The following TERT variants were observed in gnomAD, a reference collection of about 807,000 sequenced individuals.
TERT encodes the protein telomerase reverse transcriptase.
In TERT, 42 loss-of-function variants were observed where a neutral mutation model predicts 104.0. The observed-to-expected ratio is 0.40, with a 90% CI of 0.32 to 0.52. The LOEUF (loss-of-function observed/expected upper bound fraction) is 0.52. Ranked by LOEUF, TERT falls within the 20% of genes least tolerant of loss-of-function variation. TERT has a pLI of 0.43. For missense variants in TERT, 1,101 were observed against 1,610.3 expected, an observed-to-expected ratio of 0.68 and a Z score of 5.41; for synonymous variants, 781 against 725.6, an observed-to-expected ratio of 1.08 and a Z score of -1.23.
chr5:1,257,432 A>T lies in TERT; in HGVS notation c.3032+1166T>A, dbSNP rs1747827180. On this transcript the variant is annotated intron_variant, in intron 13 of 15. Coordinates refer to ENST00000310581, the MANE Select transcript of TERT (RefSeq NM_198253.3). This position sits in a 1 kb window ranked among gnomAD's most constrained non-coding sequence, Gnocchi z 5.6. ...GTCCTCAGTGGCACCTGTATCCAGC[A>T]CACCCCAAGGGTTTCCGGAAAGGAG... Among the ~76,000 whole-genome samples, 1 of 152,128 alleles carries T rather than the reference A, an allele frequency of 6.6e-6. No individual in the cohort carries two copies. Among genetic ancestry groups the T allele is most frequent in the East Asian group, 1.9e-4 (1 of 5,176 alleles).
At position 1,280,459 on chromosome 5, in the gene TERT, G is replaced by A. The variant is rs529384234; in HGVS notation, c.1770-121C>T. The A allele has an allele frequency of 1.5e-5, 17 of 1,126,512 alleles. No individual in the cohort carries two copies. In the East Asian group the frequency reaches 1.5e-4, roughly 10 times the overall value. The allele number at this position is 1,126,512 out of a possible 1,614,324, so 69.8% of individuals were successfully genotyped here. On this transcript the variant is annotated intron_variant, in intron 3 of 15. Transcript: ENST00000310581. Reference sequence around the variant, plus strand: ...GCTCAGGGCACCCACGGCAGCACACGCTGAAGGCCATGCCCGGGGCCACGT... The same window carrying A: ...GCTCAGGGCACCCACGGCAGCACACACTGAAGGCCATGCCCGGGGCCACGT...
intron 2 of TERT, among the ~76,000 whole-genome samples, chr5:1,291,707 C>G (rs1488650863): frequency 2.7e-5 from 4 of 149,778 alleles, no homozygotes; most frequent in Non-Finnish European, 6.0e-5. Flanking sequence ...TCACCCTACA[C>G]GTGACAGGGA....
rs768398792 is a variant in TERT, at chr5:1,294,622, C to G, written c.264G>C (p.Leu88=). 2 of 1,596,154 alleles carry G rather than the reference C, an allele frequency of 1.3e-6. No individual in the cohort carries two copies. Among genetic ancestry groups the G allele is most frequent in the Admixed American group, 3.3e-5 (2 of 59,832 alleles). ...KELVARVLQR[L]CERGAKNVLA... is the part of the protein sequence containing the mutation. ...GCACGTTCTTCGCGCCGCGCTCGCACAGCCTCTGCAGCACTCGGGCCACCA... is the reference window on the plus strand; with the variant it reads ...GCACGTTCTTCGCGCCGCGCTCGCAGAGCCTCTGCAGCACTCGGGCCACCA... The change falls in exon 2 of 16, where the codon CTG becomes CTC. Residue 88 remains leucine (L), a synonymous_variant. Transcript: ENST00000310581.
At chr5:1,289,787 C>T (rs1750757203) in intron 2 of TERT, among the ~76,000 whole-genome samples, 1 of 106,758 alleles carries the variant, frequency 9.4e-6, no homozygotes, top group African/African-American at 4.5e-5. Flanking sequence ...GTGACAGGGA[C>T]ACCCGGGGAC....
At chr5:1,266,246 A>C (rs35596904) in intron 10 of TERT, among the ~76,000 whole-genome samples, 3 of 152,196 alleles carry the variant, frequency 2.0e-5, no homozygotes, top group Non-Finnish European at 2.9e-5. Context: ...TCTCTGCAGG[A>C]CCAGGGCCTG....
Position 1,262,127 on chromosome 5 carries a change from CCCTTT to C in TERT, c.2844-1532_2844-1528del, listed in dbSNP as rs768615354. Among the ~76,000 whole-genome samples the C allele has an allele frequency of 6.6e-6, 1 of 152,186 alleles. No individual in the cohort carries two copies. The highest frequency in any genetic ancestry group is 2.4e-5 in the African/African-American group (1 of 41,436). On this transcript the variant is annotated intron_variant, in intron 11 of 15. Coordinates refer to ENST00000310581, the MANE Select transcript of TERT (RefSeq NM_198253.3). This position sits in a 1 kb window ranked among gnomAD's most constrained non-coding sequence, Gnocchi z 5.6. Reference sequence around the variant, plus strand: ...AAACCAGGGAACGTTCACCTCCCTTCCCTTTGAGTCTTTTGTTTTATTTCTGTTGC... The same window carrying C: ...AAACCAGGGAACGTTCACCTCCCTTCGAGTCTTTTGTTTTATTTCTGTTGC...
In TERT at chr5:1,269,237, GTTGCTAAGAGACGCTTGCAGCCTACTGCA is replaced by G. The variant is rs1748848431; in HGVS notation, c.2469-633_2469-605del. 6.6e-6 allele frequency among the ~76,000 whole-genome samples: 1 copy of G among 152,188 alleles called. No individual in the cohort carries two copies. Among genetic ancestry groups the G allele is most frequent in the Non-Finnish European group, 1.5e-5 (1 of 68,042 alleles). On this transcript the variant is annotated intron_variant, in intron 8 of 15. Transcript: ENST00000310581. This position sits in a 1 kb window ranked among gnomAD's most constrained non-coding sequence, Gnocchi z 9.0. ...CCAGAGCCCACAGGACGCCACTCCT[GTTGCTAAGAGACGCTTGCAGCCTACTGCA>G]AAAACAAGACCTGTTATTTTCGGGA...
At chr5:1,271,678 A>G (rs34980560) in intron 7 of TERT, among the ~76,000 whole-genome samples, 174 of 152,272 alleles carry the variant, frequency 1.1e-3, no homozygotes, top group South Asian at 3.3e-3. Flanking sequence ...ACGTGGACAG[A>G]CCACATCTGC....
chr5:1,254,257 G>A (rs940930985), intron 15 of TERT, 111 bp downstream of exon 15: 102 of 1,470,608 alleles, frequency 6.9e-5, no homozygotes, highest in Middle Eastern at 1.8e-4. Flanking sequence ...CCAGGGTCAG[G>A]CCCGGGGGCG....
intron 5 of TERT, among the ~76,000 whole-genome samples, chr5:1,279,034 T>C (rs1749815777): frequency 6.6e-6 from 1 of 152,208 alleles, no homozygotes; most frequent in Non-Finnish European, 1.5e-5. Context: ...GTTCCTTCTC[T>C]GACGGAAACT....
At chr5:1,277,868 C>T (rs1485033331) in intron 6 of TERT, among the ~76,000 whole-genome samples, 5 of 152,218 alleles carry the variant, frequency 3.3e-5, no homozygotes, top group Admixed American at 6.5e-5. Flanking sequence ...CTCTGCACCC[C>T]GGCCTGGCAC....
At position 1,255,476 on chromosome 5, in the gene TERT, G is replaced by T; in HGVS notation, c.3033-65C>A. The T allele has an allele frequency of 6.2e-7, 1 of 1,609,064 alleles. No individual in the cohort carries two copies. On this transcript the variant is annotated intron_variant, in intron 13 of 15. Coordinates refer to ENST00000310581, the MANE Select transcript of TERT (RefSeq NM_198253.3). The surrounding 1 kb of genome is among the most constrained non-coding windows in gnomAD (Gnocchi z 6.9). ...AATCAGACGGTGCTCGTGGGTGTGG[G>T]CATGGGCCCACCGGTGCCTGTGTGC...
chr5:1,265,714 C>T lies in TERT; in HGVS notation c.2654+750G>A, dbSNP rs1278184056. Reference sequence around the variant, plus strand: ...ATGGGTTTTCACAAACACAGCCCAGCAAAGCACCTGAAACCACCCCTGGCG... The same window carrying T: ...ATGGGTTTTCACAAACACAGCCCAGTAAAGCACCTGAAACCACCCCTGGCG... On this transcript the variant is annotated intron_variant, in intron 10 of 15. Transcript: ENST00000310581. This position sits in a 1 kb window ranked among gnomAD's most constrained non-coding sequence, Gnocchi z 6.9. Among the ~76,000 whole-genome samples the T allele has an allele frequency of 6.6e-6, 1 of 152,076 alleles. No individual in the cohort carries two copies. Among genetic ancestry groups the T allele is most frequent in the Non-Finnish European group, 1.5e-5 (1 of 67,996 alleles).
At position 1,293,359 on chromosome 5, in the gene TERT, C is replaced by T. The variant is rs750159404; in HGVS notation, c.1527G>A (p.Thr509=). The change falls in exon 2 of 16, where the codon ACG becomes ACA. Residue 509 remains threonine (T), a synonymous_variant. Coordinates refer to ENST00000310581, the MANE Select transcript of TERT (RefSeq NM_198253.3). ...KHAKLSLQEL[T]WKMSVRDCAW... is the part of the protein sequence containing the mutation. ...CGCAGTCCCGCACGCTCATCTTCCA[C>T]GTCAGCTCCTGCAGCGAGAGCTTGG... 1.2e-5 allele frequency: 19 copies of T among 1,613,354 alleles called. No homozygotes were observed. The highest frequency in any genetic ancestry group is 1.6e-5 in the Non-Finnish European group (19 of 1,180,028).
In TERT at chr5:1,294,405, G is replaced by A. The variant is rs368291455; in HGVS notation, c.481C>T (p.Leu161=). 46 of 1,587,440 alleles carry A rather than the reference G, an allele frequency of 2.9e-5. No individual in the cohort carries two copies. The highest frequency in any genetic ancestry group is 2.8e-4 in the South Asian group (25 of 89,508). ...TGGTAGGCGCAGCTGGGAGCCACCA[G>A]CACAAAGAGCGCGCAGCGTGCCAGC... The part of the protein sequence containing the change: ...HLLARCALFV[L]VAPSCAYQVC... Residue 161 remains leucine, a synonymous_variant, in exon 2 of 16, where the codon CTG becomes TTG. Coordinates refer to ENST00000310581, the MANE Select transcript of TERT (RefSeq NM_198253.3).
In TERT at chr5:1,294,429, G is replaced by T; in HGVS notation, c.457C>A (p.Leu153Met). 1 of 1,592,224 alleles carries T rather than the reference G, an allele frequency of 6.3e-7. No individual in the cohort carries two copies. The highest frequency in any genetic ancestry group is 8.5e-7 in the Non-Finnish European group (1 of 1,177,180). ...RVGDDVLVHL[L>M]ARCALFVLVA... ...AGCACAAAGAGCGCGCAGCGTGCCA[G>T]CAGGTGAACCAGCACGTCGTCGCCC... is the stretch of plus-strand genomic sequence containing the variant. The change falls in exon 2 of 16, where the codon CTG (leucine) becomes ATG (methionine). Residue 153 changes from leucine to methionine, a missense_variant. This residue lies in a region of TERT where 47 missense variants were observed against 105.3 expected (regional missense o/e 0.45). Coordinates refer to ENST00000310581, the MANE Select transcript of TERT (RefSeq NM_198253.3).
In TERT at chr5:1,257,855, T is replaced by G. The variant is rs1393576094; in HGVS notation, c.3032+743A>C. 6.6e-6 allele frequency among the ~76,000 whole-genome samples: 1 copy of G among 152,198 alleles called. No homozygotes were observed. The highest frequency in any genetic ancestry group is 1.9e-4 in the East Asian group (1 of 5,192). ...TCTCAGCCCTCATGGGGCGAGGGCT[T>G]CGGCCTCCTGGCATTCAGCTCCCAG... On this transcript the variant is annotated intron_variant, in intron 13 of 15. Transcript: ENST00000310581. The surrounding 1 kb of genome is among the most constrained non-coding windows in gnomAD (Gnocchi z 5.6).
Position 1,286,004 on chromosome 5 carries a change from GC to G in TERT, c.1574-3381del, listed in dbSNP as rs1479592937. On this transcript the variant is annotated intron_variant, in intron 2 of 15. Transcript: ENST00000310581. The surrounding 1 kb of genome is among the most constrained non-coding windows in gnomAD (Gnocchi z 5.3). ...TCCCCCGCCAGGCAGCACCGTCAGAGCTGGCGCCACACCGCAGGTTTGCGCG... is the reference window on the plus strand; with the variant it reads ...TCCCCCGCCAGGCAGCACCGTCAGAGTGGCGCCACACCGCAGGTTTGCGCG... 6.6e-6 allele frequency among the ~76,000 whole-genome samples: 1 copy of G among 152,106 alleles called. No homozygotes were observed. Among genetic ancestry groups the G allele is most frequent in the Non-Finnish European group, 1.5e-5 (1 of 68,026 alleles).
chr5:1,283,251 G>A (rs1196666666), intron 2 of TERT, among the ~76,000 whole-genome samples: 5 of 123,440 alleles, frequency 4.1e-5, no homozygotes. Context: ...TGCACCATCC[G>A]ACACCGCATA....
Sources: gnomAD v4.1 joint callset for allele counts (sites outside exome capture counted in the v4.1 genomes callset) on GRCh38, gnomAD v4.1.1 for gene constraint, gnomAD v4.1.1 regional missense constraint, Gnocchi (gnomAD v3.1) non-coding constraint, MANE v1.5 for transcripts, NCBI Gene and HGNC (gene_info 2026-07-23, HGNC 2026-07-21) for gene names.